FCMR: variants seen among roughly 807,000 people sequenced by gnomAD.
FCMR encodes the protein immunoglobulin mu Fc receptor.
FCMR carries 34 observed loss-of-function variants against 41.6 expected under a neutral mutation model. That is an observed-to-expected ratio of 0.82 (90% CI 0.62 to 1.09). FCMR has a LOEUF of 1.09. Among genes scored for constraint, FCMR ranks in the 50% least tolerant of loss-of-function variants. The pLI, the probability that FCMR is intolerant of heterozygous loss-of-function variation, is 0.00. For missense variants in FCMR, 496 were observed against 512.5 expected (o/e 0.97, Z 0.31); for synonymous variants, 209 against 211.8 (o/e 0.99, Z 0.12).
At position 206,910,280 on chromosome 1, in the gene FCMR, C is replaced by A. The variant is rs767646788; in HGVS notation, c.771G>T (p.Pro257=). The stretch of plus-strand genomic sequence containing the variant: ...CCAGCAGGAAAAGGCCCAGGATGGT[C>A]GGGATCAGGATGTGAAATCCTTGGC... ...REGQGFHILI[P]TILGLFLLAL... is the part of the protein sequence containing the mutation. The change falls in exon 5 of 8, where the codon CCG becomes CCT. Residue 257 remains proline (P), a synonymous_variant. Coordinates refer to ENST00000367091, the MANE Select transcript of FCMR (RefSeq NM_005449.5). 3.0e-5 allele frequency: 47 copies of A among 1,578,616 alleles called. No individual in the cohort carries two copies. In the East Asian group the frequency reaches 1.1e-3, roughly 36 times the overall value.
At chr1:206,915,608 C>T (rs1035177475) in intron 1 of FCMR, among the ~76,000 whole-genome samples, 8 of 152,132 alleles carry the variant, frequency 5.3e-5, no homozygotes, top group African/African-American at 1.9e-4. Context: ...TGACTAATTG[C>T]CAACTAAGCG....
chr1:206,922,551 A>G (rs887706225), upstream of FCMR, among the ~76,000 whole-genome samples: 3 of 152,194 alleles, frequency 2.0e-5, no homozygotes, highest in Admixed American at 2.0e-4. Context: ...TGAGGACTTC[A>G]CATAGCTCCC....
intron 7 of FCMR, chr1:206,907,860 G>A: frequency 7.3e-7 from 1 of 1,365,466 alleles, no homozygotes; most frequent in South Asian, 1.2e-5. Flanking sequence ...CGCATCTTGT[G>A]GCACAAGTAC....
At chr1:206,906,653 G>C (rs1420700134) in intron 7 of FCMR, among the ~76,000 whole-genome samples, 1 of 152,110 alleles carries the variant, frequency 6.6e-6, no homozygotes, top group Admixed American at 6.6e-5. Context: ...TTAAGCATAG[G>C]CACCTTTTTG....
At position 206,910,232 on chromosome 1, in the gene FCMR, T is replaced by C. The variant is rs1678871606; in HGVS notation, c.819A>G (p.Lys273=). 1 of 1,603,146 alleles carries C rather than the reference T, an allele frequency of 6.2e-7. No homozygotes were observed. The highest frequency in any genetic ancestry group is 2.3e-5 in the East Asian group (1 of 44,428). The part of the protein sequence containing the change: ...FLLALLGLVV[K]RAVERRKALS... Reference sequence around the variant, plus strand: ...CACCTTTCCTCCTTTCAACGGCCCTTTTCACCACCAGCCCCAGAAGTGCCA... The same window carrying C: ...CACCTTTCCTCCTTTCAACGGCCCTCTTCACCACCAGCCCCAGAAGTGCCA... The change falls in exon 5 of 8, where the codon AAA becomes AAG. Residue 273 remains lysine (K), a synonymous_variant. Transcript: ENST00000367091.
At position 206,910,354 on chromosome 1, in the gene FCMR, G is replaced by A; in HGVS notation, c.711-14C>T. 3 of 1,530,690 alleles carry A rather than the reference G, an allele frequency of 2.0e-6. No individual in the cohort carries two copies. Among genetic ancestry groups the A allele is most frequent in the Non-Finnish European group, 2.6e-6 (3 of 1,138,204 alleles). 94.8% of individuals were successfully genotyped at this position (1,530,690 alleles called of 1,614,324 possible). A position where few individuals can be genotyped will look rare whatever the true frequency, so the allele number is the denominator to read the frequency against. Reference sequence around the variant, plus strand: ...TAGTCCAGTGCTCTGGGGAGGGAAGGAAAGGGAGAGAGGGAGGAAGAGATT... The same window carrying A: ...TAGTCCAGTGCTCTGGGGAGGGAAGAAAAGGGAGAGAGGGAGGAAGAGATT... On this transcript the variant is annotated splice_polypyrimidine_tract_variant and intron_variant, in intron 4 of 7. Transcript: ENST00000367091.
At chr1:206,917,159 C>T (rs1679229669) in intron 1 of FCMR, among the ~76,000 whole-genome samples, 1 of 152,072 alleles carries the variant, frequency 6.6e-6, no homozygotes, top group Admixed American at 6.5e-5. Context: ...AAATTTTCAC[C>T]ATACAAAATA....
intron 2 of FCMR, 135 bp downstream of exon 2, chr1:206,913,624 A>G (rs291083): frequency 0.39 from 264,020 of 678,568 alleles, 55,723 homozygotes; most frequent in Middle Eastern, 0.48. Context: ...TTTCATATGG[A>G]TCTCAATCAT....
chr1:206,908,403 G>C (rs1397715069), intron 7 of FCMR, among the ~76,000 whole-genome samples: 3 of 152,186 alleles, frequency 2.0e-5, no homozygotes, highest in Non-Finnish European at 4.4e-5. Flanking sequence ...GAGGTTACTT[G>C]AAAGCACTCA....
rs1388580803 is a variant in FCMR at position 206,911,870 on chromosome 1, C to T, written c.570G>A (p.Val190=). The T allele has an allele frequency of 4.4e-6, 7 of 1,608,086 alleles. No homozygotes were observed. In the African/African-American group the frequency reaches 8.1e-5, roughly 19 times the overall value. Reference sequence around the variant, plus strand: ...CACCTGCTACTGAAGATGCTCTGGACACTCGAGGGCGGTGGGTGATTTGGG... The same window carrying T: ...CACCTGCTACTGAAGATGCTCTGGATACTCGAGGGCGGTGGGTGATTTGGG... ...PTTQITHRPR[V]SRASSVAGDK... Residue 190 remains valine, a synonymous_variant, in exon 4 of 8, where the codon GTG becomes GTA. Transcript: ENST00000367091.
intron 1 of FCMR, 39 bp downstream of exon 1, chr1:206,921,779 C>T (rs1188890909): frequency 1.3e-6 from 2 of 1,597,674 alleles, no homozygotes; most frequent in South Asian, 1.1e-5. Flanking sequence ...CAATTCAAGC[C>T]TCATTCAGAG....
chr1:206,919,363 A>G (rs1679336826), intron 1 of FCMR, among the ~76,000 whole-genome samples: 1 of 152,202 alleles, frequency 6.6e-6, no homozygotes, highest in South Asian at 2.1e-4. Flanking sequence ...TGGGAGGCAG[A>G]GGCAGGCTGA....
In FCMR at chr1:206,909,911, G is replaced by A. The variant is rs1678850762; in HGVS notation, c.842-43C>T. 1 of 1,370,450 alleles carries A rather than the reference G, an allele frequency of 7.3e-7. No individual in the cohort carries two copies. The highest frequency in any genetic ancestry group is 1.7e-5 in the South Asian group (1 of 57,234). The allele number at this position is 1,370,450 out of a possible 1,614,324, so 84.9% of individuals were successfully genotyped here. A position where few individuals can be genotyped will look rare whatever the true frequency, so the allele number is the denominator to read the frequency against. Reference sequence around the variant, plus strand: ...GGGAAGAGGGAGGAAAATGGCATCAGAGGCCCGTGCCACCCTCCCCAAACG... The same window carrying A: ...GGGAAGAGGGAGGAAAATGGCATCAAAGGCCCGTGCCACCCTCCCCAAACG... On this transcript the variant is annotated intron_variant, in intron 5 of 7. Coordinates refer to ENST00000367091, the MANE Select transcript of FCMR (RefSeq NM_005449.5). This position sits in a 1 kb window ranked among gnomAD's most constrained non-coding sequence, Gnocchi z 5.0.
chr1:206,910,988 T>C (rs530811539), intron 4 of FCMR, among the ~76,000 whole-genome samples: 89 of 152,362 alleles, frequency 5.8e-4, no homozygotes, highest in African/African-American at 2.1e-3. Context: ...ATATTGCATA[T>C]TGTCATCTTC....
intron 2 of FCMR, 42 bp downstream of exon 2, chr1:206,913,717 T>A: frequency 6.6e-7 from 1 of 1,521,692 alleles, no homozygotes; most frequent in Non-Finnish European, 9.1e-7. Context: ...AAGTGAAACA[T>A]TTTCTGGGTA....
chr1:206,923,111 C>A (rs1051419564), upstream of FCMR: 2 of 152,346 alleles, frequency 1.3e-5, no homozygotes, highest in African/African-American at 2.4e-5. Flanking sequence ...GGTGAAAGGA[C>A]CTCTTGTGCC....
chr1:206,911,646 G>A, intron 4 of FCMR, 84 bp downstream of exon 4: 3 of 1,267,082 alleles, frequency 2.4e-6, no homozygotes, highest in Non-Finnish European at 3.4e-6. Flanking sequence ...GCCAAGGAGG[G>A]TGTCTAATAA....
At chr1:206,917,087 T>C (rs1482236163) in intron 1 of FCMR, among the ~76,000 whole-genome samples, 1 of 152,236 alleles carries the variant, frequency 6.6e-6, no homozygotes, top group Non-Finnish European at 1.5e-5. Flanking sequence ...GGGGGATATG[T>C]GGCTTAAAGA....
intron 1 of FCMR, among the ~76,000 whole-genome samples, chr1:206,914,358 C>G (rs1350178416): frequency 6.9e-6 from 1 of 145,036 alleles, no homozygotes; most frequent in Non-Finnish European, 1.5e-5. Context: ...TCCTTCCTTT[C>G]TTTCTTTTTC....
Sources: gnomAD v4.1 joint callset for allele counts (sites outside exome capture counted in the v4.1 genomes callset) on GRCh38, gnomAD v4.1.1 for gene constraint, Gnocchi (gnomAD v3.1) non-coding constraint, MANE v1.5 for transcripts, NCBI Gene and HGNC (gene_info 2026-07-23, HGNC 2026-07-21) for gene names.